The following NCKAP5 variants were observed in gnomAD, a reference collection of about 807,000 sequenced individuals.
The protein encoded by NCKAP5 is nck-associated protein 5.
A neutral mutation model predicts 167.0 loss-of-function variants in NCKAP5; 92 were observed. The observed-to-expected ratio is 0.55, with a 90% CI of 0.47 to 0.66. The LOEUF (loss-of-function observed/expected upper bound fraction) is 0.66, where lower values mean the gene tolerates loss of function less well. Ranked by LOEUF, NCKAP5 falls within the 30% of genes least tolerant of loss-of-function variation. NCKAP5 has a pLI of 0.00. For missense variants in NCKAP5, 2,378 were observed against 2,315.0 expected, an observed-to-expected ratio of 1.03 and a Z score of -0.56; for synonymous variants, 891 against 877.4, an observed-to-expected ratio of 1.02 and a Z score of -0.27.
chr2:132,926,713 T>C (rs534889735), intron 8 of NCKAP5, among the ~76,000 whole-genome samples: 266 of 152,360 alleles, frequency 1.7e-3, no homozygotes, highest in African/African-American at 6.2e-3. Flanking sequence ...GCCCACTTTT[T>C]AATGGGGTTA....
chr2:132,708,857 T>C (rs2033333), intron 19 of NCKAP5, among the ~76,000 whole-genome samples: 151,344 of 152,202 alleles, frequency 0.99, 75,250 homozygotes, highest in South Asian at 1. Flanking sequence ...TGTCTTTTTT[T>C]GGGTTGTATT....
intron 3 of NCKAP5, among the ~76,000 whole-genome samples, chr2:133,490,623 GAA>G (rs1288957348): frequency 6.6e-6 from 1 of 152,172 alleles, no homozygotes; most frequent in East Asian, 1.9e-4. Flanking sequence ...GCATAATGGT[GAA>G]AAGGTCCCAA....
At chr2:133,286,758 G>T (rs1308195743) in intron 4 of NCKAP5, among the ~76,000 whole-genome samples, 1 of 152,110 alleles carries the variant, frequency 6.6e-6, no homozygotes, top group East Asian at 1.9e-4. Flanking sequence ...AAAACAAGTT[G>T]TATGAGGACC....
intron 6 of NCKAP5, among the ~76,000 whole-genome samples, chr2:133,128,757 C>T (rs2082488163): frequency 6.6e-6 from 1 of 152,004 alleles, no homozygotes; most frequent in Admixed American, 6.6e-5. Flanking sequence ...GCCATCATGC[C>T]CGGCTAATTT....
intron 4 of NCKAP5, among the ~76,000 whole-genome samples, chr2:133,283,812 T>A (rs1352340116): frequency 3.3e-5 from 5 of 152,152 alleles, no homozygotes; most frequent in Non-Finnish European, 5.9e-5. Context: ...GGTTTCACCA[T>A]GTTGGCCAGG....
chr2:132,991,012 G>A (rs936423596), intron 7 of NCKAP5, among the ~76,000 whole-genome samples: 1 of 152,184 alleles, frequency 6.6e-6, no homozygotes, highest in African/African-American at 2.4e-5. Flanking sequence ...TCTCAGCATA[G>A]ATAATAAGCA....
intron 5 of NCKAP5, among the ~76,000 whole-genome samples, chr2:133,147,785 T>C (rs527715887): frequency 1.7e-4 from 26 of 152,118 alleles, no homozygotes; most frequent in Non-Finnish European, 1.5e-4. Context: ...CATACATATT[T>C]GATGAGCCAA....
intron 8 of NCKAP5, among the ~76,000 whole-genome samples, chr2:132,897,064 C>T (rs1024334534): frequency 6.6e-6 from 1 of 152,174 alleles, no homozygotes; most frequent in Non-Finnish European, 1.5e-5. Context: ...ATCATGGAAT[C>T]ATAGTTTGAG....
intron 8 of NCKAP5, among the ~76,000 whole-genome samples, chr2:132,895,192 G>C (rs1294206661): frequency 6.6e-6 from 1 of 151,712 alleles, no homozygotes; most frequent in Non-Finnish European, 1.5e-5. Flanking sequence ...TTAGCCGGGC[G>C]TGGTGGCGGG....
intron 6 of NCKAP5, among the ~76,000 whole-genome samples, chr2:133,043,357 T>A (rs899567319): frequency 6.6e-6 from 1 of 152,188 alleles, no homozygotes; most frequent in African/African-American, 2.4e-5. Flanking sequence ...ACTTCTCTAG[T>A]ACTTACAGAC....
intron 5 of NCKAP5, among the ~76,000 whole-genome samples, chr2:133,138,035 G>A (rs2082858602): frequency 6.6e-6 from 1 of 152,156 alleles, no homozygotes; most frequent in African/African-American, 2.4e-5. Context: ...GAGGGAAAGG[G>A]GAAGGGGTGT....
intron 5 of NCKAP5, among the ~76,000 whole-genome samples, chr2:133,167,213 C>T (rs1203134494): frequency 6.6e-6 from 1 of 152,186 alleles, no homozygotes; most frequent in Non-Finnish European, 1.5e-5. Flanking sequence ...TTAGTGTCAG[C>T]ATGACAGGTT....
chr2:132,973,347 C>G (rs1559007080), intron 7 of NCKAP5, among the ~76,000 whole-genome samples: 1 of 152,218 alleles, frequency 6.6e-6, no homozygotes, highest in South Asian at 2.1e-4. Flanking sequence ...AGGGTAGAGA[C>G]ATCTAGCCCC....
intron 6 of NCKAP5, among the ~76,000 whole-genome samples, chr2:133,069,703 C>T (rs1275027132): frequency 6.6e-6 from 1 of 152,058 alleles, no homozygotes; most frequent in Admixed American, 6.5e-5. Context: ...TAAATGAGAA[C>T]AGCTTGCAAG....
the NCKAP5 span, among the ~76,000 whole-genome samples, chr2:133,611,138 A>G: frequency 6.6e-6 from 1 of 151,908 alleles, no homozygotes; most frequent in Non-Finnish European, 1.5e-5. Flanking sequence ...AAAAAAAGGC[A>G]TTTCACTCAA....
chr2:133,026,011 G>C (rs761641893), intron 6 of NCKAP5, among the ~76,000 whole-genome samples: 6 of 152,036 alleles, frequency 3.9e-5, no homozygotes, highest in Non-Finnish European at 8.8e-5. Flanking sequence ...AGCCTCTGTT[G>C]TTTCTTGGCT....
chr2:133,600,011 C>T, the NCKAP5 span, among the ~76,000 whole-genome samples: 1 of 152,230 alleles, frequency 6.6e-6, no homozygotes, highest in African/African-American at 2.4e-5. Flanking sequence ...TCTGTCGGCT[C>T]CCCTGGCTGG....
chr2:132,759,861 C>G (rs181700174), intron 16 of NCKAP5, among the ~76,000 whole-genome samples: 1 of 151,800 alleles, frequency 6.6e-6, no homozygotes, highest in Non-Finnish European at 1.5e-5. Flanking sequence ...TTCTAGTTGT[C>G]CAGCTTTTCT....
intron 8 of NCKAP5, among the ~76,000 whole-genome samples, chr2:132,909,721 C>T (rs560071779): frequency 2.2e-4 from 34 of 152,288 alleles, no homozygotes; most frequent in African/African-American, 7.9e-4. Flanking sequence ...CTTTGCTTTA[C>T]AGAAACTACA....
Sources: allele counts gnomAD v4.1 joint callset (sites outside exome capture counted in the v4.1 genomes callset), GRCh38; gene constraint gnomAD v4.1.1; transcripts MANE v1.5; gene names NCBI Gene and HGNC (gene_info 2026-07-23, HGNC 2026-07-21).